The following SLC25A48 variants were observed in gnomAD, a reference collection of about 807,000 sequenced individuals.
SLC25A48 encodes CTC-321K16.1.
Under a neutral mutation model 32.2 loss-of-function variants are expected in SLC25A48, and 29 were observed. The ratio of observed to expected loss-of-function variants is 0.90; its 90% CI spans 0.67 to 1.23. SLC25A48 has a LOEUF of 1.23. Among genes scored for constraint, SLC25A48 ranks in the 50% most tolerant of loss-of-function variants. SLC25A48 has a pLI of 0.00. For missense variants in SLC25A48, 399 were observed against 422.7 expected, an observed-to-expected ratio of 0.94 and a Z score of 0.49; for synonymous variants, 164 against 172.3, an observed-to-expected ratio of 0.95 and a Z score of 0.38.
At chr5:135,797,185 C>A (rs1757206016) in intron 3 of SLC25A48, among the ~76,000 whole-genome samples, 1 of 151,904 alleles carries the variant, frequency 6.6e-6, no homozygotes, top group Non-Finnish European at 1.5e-5. Context: ...ATAATACTCC[C>A]AATATCGCAG....
intron 4 of SLC25A48, among the ~76,000 whole-genome samples, chr5:135,860,035 C>T (rs895125664): frequency 1.3e-5 from 2 of 152,154 alleles, no homozygotes; most frequent in African/African-American, 2.4e-5. Context: ...GCCTGTTGAC[C>T]TCTCATTACT....
intron 4 of SLC25A48, among the ~76,000 whole-genome samples, chr5:135,822,793 G>A (rs781036434): frequency 5.3e-5 from 8 of 152,132 alleles, no homozygotes; most frequent in Non-Finnish European, 7.3e-5. Context: ...GTCAGACCTG[G>A]GTGCTGCCAT....
chr5:135,594,198 C>A (rs955750015), intron 1 of SLC25A48, among the ~76,000 whole-genome samples: 8 of 152,214 alleles, frequency 5.3e-5, no homozygotes, highest in African/African-American at 1.9e-4. Context: ...GTATAAAAAT[C>A]AGCTCTTTTA....
chr5:135,662,985 A>G (rs150061384), intron 3 of SLC25A48, among the ~76,000 whole-genome samples: 3 of 152,288 alleles, frequency 2.0e-5, no homozygotes, highest in Non-Finnish European at 4.4e-5. Flanking sequence ...GTGCCCAGGA[A>G]TGCTCACAAT....
At chr5:135,639,155 T>A (rs1042070243) in intron 3 of SLC25A48, among the ~76,000 whole-genome samples, 2 of 152,180 alleles carry the variant, frequency 1.3e-5, no homozygotes, top group Admixed American at 1.3e-4. Flanking sequence ...ATTCAATATG[T>A]TCTTTTGGGC....
intron 3 of SLC25A48, among the ~76,000 whole-genome samples, chr5:135,794,482 C>G (rs1203739216): frequency 6.6e-6 from 1 of 151,828 alleles, no homozygotes. Flanking sequence ...GATAATATTA[C>G]TTTCAGCATC....
Position 135,835,791 on chromosome 5 carries a change from TGAAAA to T in SLC25A48, c.46+902_46+906del, listed in dbSNP as rs1174545429. 5.4e-5 allele frequency among the ~76,000 whole-genome samples: 8 copies of T among 149,434 alleles called. No homozygotes were observed. The East Asian group carries it at 1.6e-3, about 30-fold the overall frequency. On this transcript the variant is annotated intron_variant, in intron 1 of 7. Transcript: ENST00000681962. ...TCACCAAAGGGGTGAAAAAATAAGA[TGAAAA>T]GAACAACAAACCAGATTGGATCCCA... is the stretch of plus-strand genomic sequence containing the variant.
intron 3 of SLC25A48, among the ~76,000 whole-genome samples, chr5:135,712,907 T>C (rs1165008989): frequency 6.6e-6 from 1 of 152,214 alleles, no homozygotes; most frequent in Non-Finnish European, 1.5e-5. Context: ...CCATCCTCCA[T>C]AGCCACCATT....
chr5:135,862,908 C>G (rs1384816798), intron 4 of SLC25A48, among the ~76,000 whole-genome samples: 2 of 152,078 alleles, frequency 1.3e-5, no homozygotes, highest in Non-Finnish European at 2.9e-5. Flanking sequence ...AGATTATATT[C>G]AGCAGGCAGT....
At chr5:135,620,316 C>G (rs1205590488) in intron 1 of SLC25A48, among the ~76,000 whole-genome samples, 1 of 152,110 alleles carries the variant, frequency 6.6e-6, no homozygotes, top group Non-Finnish European at 1.5e-5. Context: ...GCTTGGGTGT[C>G]ATGGGGATGG....
chr5:135,870,747 C>T (rs1307845177), intron 4 of SLC25A48, among the ~76,000 whole-genome samples: 1 of 152,052 alleles, frequency 6.6e-6, no homozygotes, highest in African/African-American at 2.4e-5. Context: ...TTCAAATCAC[C>T]ATGCTGAACA....
At chr5:135,808,443 A>C (rs999814548) in intron 3 of SLC25A48, among the ~76,000 whole-genome samples, 5 of 152,076 alleles carry the variant, frequency 3.3e-5, no homozygotes, top group African/African-American at 7.2e-5. Context: ...ACACAAAAAA[A>C]CTTTTTTTCC....
intron 4 of SLC25A48, among the ~76,000 whole-genome samples, chr5:135,866,091 TG>T (rs1761181144): frequency 6.6e-6 from 1 of 152,196 alleles, no homozygotes; most frequent in African/African-American, 2.4e-5. Context: ...CACACATCCC[TG>T]ACTAGTGACC....
intron 7 of SLC25A48, among the ~76,000 whole-genome samples, chr5:135,883,634 G>A (rs1449228317): frequency 1.3e-5 from 2 of 152,128 alleles, no homozygotes; most frequent in Non-Finnish European, 2.9e-5. Flanking sequence ...GATGCCTAAG[G>A]TCGGCAGCAG....
chr5:135,764,475 A>G (rs901079202), intron 3 of SLC25A48, among the ~76,000 whole-genome samples: 4 of 151,682 alleles, frequency 2.6e-5, no homozygotes, highest in African/African-American at 9.7e-5. Context: ...CCCCACTGTG[A>G]TATGGTTCAT....
chr5:135,585,733 C>G (rs1377821585), intron 1 of SLC25A48, among the ~76,000 whole-genome samples: 1 of 152,046 alleles, frequency 6.6e-6, no homozygotes, highest in African/African-American at 2.4e-5. Context: ...GTCTATCACT[C>G]TGTGCTTCTG....
chr5:135,691,207 A>G (rs1227939037), intron 3 of SLC25A48, among the ~76,000 whole-genome samples: 1 of 152,202 alleles, frequency 6.6e-6, no homozygotes, highest in Admixed American at 6.5e-5. Flanking sequence ...AAGCACTCCC[A>G]GGGTTAAAAG....
Position 135,629,054 on chromosome 5 carries a change from C to G in SLC25A48, c.-848-183C>G, listed in dbSNP as rs544788887. 6.6e-6 allele frequency among the ~76,000 whole-genome samples: 1 copy of G among 152,218 alleles called. No individual in the cohort carries two copies. The highest frequency in any genetic ancestry group is 1.9e-4 in the East Asian group (1 of 5,176). On this transcript the variant is annotated intron_variant, in intron 1 of 10. Transcript: ENST00000646290. This position sits in a 1 kb window ranked among gnomAD's most constrained non-coding sequence, Gnocchi z 4.8. ...CAGTCCCTTTTCATAAATTCCCCAG[C>G]AGTTAGAACAGCCATTAAACTGTGA...
intron 3 of SLC25A48, among the ~76,000 whole-genome samples, chr5:135,734,706 A>G (rs1426727326): frequency 6.6e-6 from 1 of 151,856 alleles, no homozygotes; most frequent in Non-Finnish European, 1.5e-5. Context: ...AGTCCCAGCT[A>G]CTCAGGAGGC....
Sources: allele counts gnomAD v4.1 joint callset (sites outside exome capture counted in the v4.1 genomes callset), GRCh38; gene constraint gnomAD v4.1.1; non-coding constraint Gnocchi (gnomAD v3.1); transcripts MANE v1.5; gene names NCBI Gene and HGNC (gene_info 2026-07-23, HGNC 2026-07-21).